Variants in DCLK1 observed in about 807,000 individuals in gnomAD.
The protein encoded by DCLK1 is doublecortin like kinase 1.
DCLK1 carries 16 observed loss-of-function variants against 86.2 expected under a neutral mutation model. That is an observed-to-expected ratio of 0.19 (90% CI 0.13 to 0.28). The LOEUF (loss-of-function observed/expected upper bound fraction) is 0.28. Among genes scored for constraint, DCLK1 ranks in the 10% least tolerant of loss-of-function variants. DCLK1 has a pLI of 1.00. For missense variants in DCLK1, 590 were observed against 940.2 expected (o/e 0.63, Z 4.87); for synonymous variants, 369 against 370.5 (o/e 1.00, Z 0.05).
At chr13:36,081,970 C>T (rs1331541816) in intron 3 of DCLK1, among the ~76,000 whole-genome samples, 1 of 152,186 alleles carries the variant, frequency 6.6e-6, no homozygotes, top group African/African-American at 2.4e-5. Flanking sequence ...TATGCACTAT[C>T]TAATGAGGGT....
chr13:35,909,312 G>A (rs146622664), intron 4 of DCLK1, among the ~76,000 whole-genome samples: 62 of 152,280 alleles, frequency 4.1e-4, no homozygotes, highest in African/African-American at 1.4e-3. Flanking sequence ...AAGAGGGTGT[G>A]AGAAATGAAT....
chr13:35,855,389 T>C (rs949557214), intron 5 of DCLK1: 6 of 902,510 alleles, frequency 6.6e-6, no homozygotes, highest in Non-Finnish European at 1.0e-5. Context: ...CTATTTTACC[T>C]GTAAAAATGG....
intron 3 of DCLK1, among the ~76,000 whole-genome samples, chr13:36,058,365 T>G (rs894581506): frequency 6.6e-6 from 1 of 152,140 alleles, no homozygotes; most frequent in African/African-American, 2.4e-5. Context: ...GGAGCAAGAA[T>G]GAATTTTAGT....
intron 2 of DCLK1, among the ~76,000 whole-genome samples, chr13:36,113,736 G>A (rs1885690528): frequency 6.6e-6 from 1 of 152,084 alleles, no homozygotes; most frequent in South Asian, 2.1e-4. Flanking sequence ...TTTTTCTGAA[G>A]ATCAAATTAG....
chr13:35,794,939 T>C (rs1216063020), intron 15 of DCLK1, among the ~76,000 whole-genome samples: 1 of 151,910 alleles, frequency 6.6e-6, no homozygotes, highest in African/African-American at 2.4e-5. Flanking sequence ...AATAGCAGAG[T>C]GTGGGAGGAA....
At chr13:35,964,328 T>C (rs965463356) in intron 3 of DCLK1, among the ~76,000 whole-genome samples, 4 of 152,142 alleles carry the variant, frequency 2.6e-5, no homozygotes, top group African/African-American at 9.7e-5. Flanking sequence ...AAAGAAACAA[T>C]TTTCACTAAC....
rs1026405815 is a variant in DCLK1 at position 35,822,976 on chromosome 13, G to A, written c.1408-101C>T. ...ACCCCAAAGGACAGGAAGAATGGATGTGGAATCTTTGGGTTCCTAAAGGCT... is the reference window on the plus strand; with the variant it reads ...ACCCCAAAGGACAGGAAGAATGGATATGGAATCTTTGGGTTCCTAAAGGCT... On this transcript the variant is annotated intron_variant, in intron 10 of 16. Transcript: ENST00000360631. 39 of 1,406,692 alleles carry A rather than the reference G, an allele frequency of 2.8e-5. No individual in the cohort carries two copies. The South Asian group carries it at 4.0e-4, about 15-fold the overall frequency. 87.1% of individuals were successfully genotyped at this position (1,406,692 alleles called of 1,614,324 possible). A position where few individuals can be genotyped will look rare whatever the true frequency, so the allele number is the denominator to read the frequency against.
At chr13:36,025,814 T>C (rs1882010887) in intron 3 of DCLK1, among the ~76,000 whole-genome samples, 1 of 152,104 alleles carries the variant, frequency 6.6e-6, no homozygotes, top group African/African-American at 2.4e-5. Flanking sequence ...AAAACTGAAT[T>C]AAAATATAAA....
chr13:35,811,528 T>G (rs1593614905), intron 11 of DCLK1, among the ~76,000 whole-genome samples: 2 of 152,154 alleles, frequency 1.3e-5, no homozygotes, highest in East Asian at 3.9e-4. Context: ...AATAATCTCT[T>G]TGTTTCAATA....
chr13:36,108,384 T>C (rs544145375), intron 3 of DCLK1, among the ~76,000 whole-genome samples: 1 of 152,314 alleles, frequency 6.6e-6, no homozygotes, highest in South Asian at 2.1e-4. Context: ...TTTATTTCCT[T>C]ATCTCAGTCT....
In DCLK1 at chr13:35,769,594, A is replaced by G. The variant is rs2086293581; in HGVS notation, c.*4941T>C. On this transcript the variant is annotated 3_prime_UTR_variant, in exon 17 of 17. Coordinates refer to ENST00000360631, the MANE Select transcript of DCLK1 (RefSeq NM_001330071.2). ...GAAATTGTCCCTAGAGAACTATTCA[A>G]GGACTTTTTCTTACTACATTTGATT... 2 of 152,166 alleles carry G rather than the reference A, an allele frequency of 1.3e-5. No individual in the cohort carries two copies. Among genetic ancestry groups the G allele is most frequent in the African/African-American group, 4.8e-5 (2 of 41,444 alleles). 9.4% of individuals were successfully genotyped at this position (152,166 alleles called of 1,614,324 possible). A position where few individuals can be genotyped will look rare whatever the true frequency, so the allele number is the denominator to read the frequency against.
chr13:36,113,168 C>CCTAAT (rs1259655687), intron 2 of DCLK1, among the ~76,000 whole-genome samples: 1 of 152,096 alleles, frequency 6.6e-6, no homozygotes, highest in Non-Finnish European at 1.5e-5. Flanking sequence ...ATGACCGAGG[C>CCTAAT]CTAATCTAAC....
intron 3 of DCLK1, among the ~76,000 whole-genome samples, chr13:35,980,814 CT>C (rs1001170769): frequency 8.6e-5 from 13 of 151,296 alleles, no homozygotes; most frequent in East Asian, 1.9e-4. Flanking sequence ...AGTACTTCTT[CT>C]TTTTTTTTAA....
At chr13:36,006,925 G>C (rs942761421) in intron 3 of DCLK1, among the ~76,000 whole-genome samples, 2 of 152,206 alleles carry the variant, frequency 1.3e-5, no homozygotes, top group Non-Finnish European at 2.9e-5. Flanking sequence ...TTAAGTATTT[G>C]GAAATATGAA....
At chr13:35,945,490 A>G (rs1369349339) in intron 4 of DCLK1, among the ~76,000 whole-genome samples, 1 of 152,002 alleles carries the variant, frequency 6.6e-6, no homozygotes, top group Non-Finnish European at 1.5e-5. Flanking sequence ...GCTGTGGCCA[A>G]CTCTGCTTGC....
At chr13:35,855,697 C>A in intron 5 of DCLK1, 1 of 1,389,538 alleles carries the variant, frequency 7.2e-7, no homozygotes. Context: ...GCCTTTTCTG[C>A]GTAAAGCTGA....
intron 3 of DCLK1, among the ~76,000 whole-genome samples, chr13:36,040,514 T>C (rs2153155036): frequency 6.6e-6 from 1 of 151,642 alleles, no homozygotes; most frequent in Non-Finnish European, 1.5e-5. Flanking sequence ...CAAGAGTTCA[T>C]TCTATCAGCA....
rs1325781996 is a variant in DCLK1 at position 35,770,471 on chromosome 13, G to T, written c.*4064C>A. 1 of 152,126 alleles carries T rather than the reference G, an allele frequency of 6.6e-6. No homozygotes were observed. Among genetic ancestry groups the T allele is most frequent in the Non-Finnish European group, 1.5e-5 (1 of 68,018 alleles). The allele number at this position is 152,126 out of a possible 1,614,324, so 9.4% of individuals were successfully genotyped here. ...AGTAAGGAAATCTTTATCCCCAAAA[G>T]AAGCACGTATCTTACCCTCTAAACT... On this transcript the variant is annotated 3_prime_UTR_variant, in exon 17 of 17. Transcript: ENST00000360631.
intron 2 of DCLK1, among the ~76,000 whole-genome samples, chr13:36,121,963 G>A (rs1310163833): frequency 1.3e-5 from 2 of 151,870 alleles, no homozygotes; most frequent in Non-Finnish European, 2.9e-5. Flanking sequence ...TGTTTTTAAA[G>A]AAAGAAAAAA....
Sources: gnomAD v4.1 joint callset for allele counts (sites outside exome capture counted in the v4.1 genomes callset) on GRCh38, gnomAD v4.1.1 for gene constraint, MANE v1.5 for transcripts, NCBI Gene and HGNC (gene_info 2026-07-23, HGNC 2026-07-21) for gene names.